The following TTLL5 variants were observed in gnomAD, a reference collection of about 807,000 sequenced individuals.
TTLL5 encodes tubulin polyglutamylase TTLL5.
TTLL5 carries 132 observed loss-of-function variants against 168.4 expected under a neutral mutation model. The ratio of observed to expected loss-of-function variants is 0.78; its 90% CI spans 0.68 to 0.91. The LOEUF (loss-of-function observed/expected upper bound fraction) is 0.91, where lower values mean the gene tolerates loss of function less well. Ranked by LOEUF, TTLL5 falls within the 40% of genes least tolerant of loss-of-function variation. The pLI, the probability that TTLL5 is intolerant of heterozygous loss-of-function variation, is 0.00. For synonymous variants in TTLL5, 546 were observed against 558.6 expected (o/e 0.98, Z 0.32); for missense variants, 1,545 against 1,581.5 (o/e 0.98, Z 0.39).
intron 31 of TTLL5, among the ~76,000 whole-genome samples, chr14:75,915,726 C>CT (rs1377757307): frequency 6.6e-6 from 1 of 152,146 alleles, no homozygotes; most frequent in African/African-American, 2.4e-5. Context: ...ATGCAAATAA[C>CT]TAATAGGCAC....
At chr14:75,843,496 G>A (rs1379020291) in intron 28 of TTLL5, among the ~76,000 whole-genome samples, 1 of 152,222 alleles carries the variant, frequency 6.6e-6, no homozygotes, top group African/African-American at 2.4e-5. Flanking sequence ...ACCTTTAAAA[G>A]TTCATCTTAC....
At chr14:75,734,705 A>G (rs1239887881) in intron 14 of TTLL5, among the ~76,000 whole-genome samples, 1 of 152,250 alleles carries the variant, frequency 6.6e-6, no homozygotes, top group Non-Finnish European at 1.5e-5. Flanking sequence ...TTCCAAAGCC[A>G]TAGATAATCT....
intron 31 of TTLL5, among the ~76,000 whole-genome samples, chr14:75,929,485 T>C (rs2034201618): frequency 6.8e-6 from 1 of 146,328 alleles, no homozygotes; most frequent in African/African-American, 2.6e-5. Context: ...GGAGTCTCGC[T>C]CTGTCGCCCA....
chr14:75,746,498 T>G (rs1889619254), intron 17 of TTLL5, among the ~76,000 whole-genome samples: 1 of 152,040 alleles, frequency 6.6e-6, no homozygotes, highest in Admixed American at 6.6e-5. Flanking sequence ...GCATAATGTC[T>G]TTTTTTCCCA....
At chr14:75,836,691 T>C (rs942080676) in intron 28 of TTLL5, among the ~76,000 whole-genome samples, 3 of 151,910 alleles carry the variant, frequency 2.0e-5, no homozygotes, top group Admixed American at 6.6e-5. Context: ...CTGCTATGTA[T>C]GCAAAAAAAT....
chr14:75,952,155 A>G (rs1045744835), intron 31 of TTLL5, among the ~76,000 whole-genome samples: 9 of 152,242 alleles, frequency 5.9e-5, no homozygotes, highest in Admixed American at 5.9e-4. Flanking sequence ...CAATGAAGAT[A>G]TACCATGCCA....
intron 24 of TTLL5, among the ~76,000 whole-genome samples, chr14:75,781,329 AC>A (rs559111707): frequency 1.1e-3 from 162 of 152,340 alleles, no homozygotes; most frequent in African/African-American, 3.7e-3. Context: ...AATCAAGGAA[AC>A]AACATTATGA....
chr14:75,904,202 CAAAAAAA>C lies in TTLL5; in HGVS notation c.3823+1986_3823+1992del, dbSNP rs562877528. On this transcript the variant is annotated intron_variant, in intron 31 of 31. Coordinates refer to ENST00000298832, the MANE Select transcript of TTLL5 (RefSeq NM_015072.5). The stretch of plus-strand genomic sequence containing the variant: ...TGGGTATCTATTCACCTCACTCCTC[CAAAAAAA>C]AAAAAAAGGAAAGAAAAAAAGAATT... 6,709 of 987,272 alleles carry C rather than the reference CAAAAAAA, an allele frequency of 6.8e-3. 31 individuals carry two copies. The highest frequency in any genetic ancestry group is 0.02 in the South Asian group (952 of 48,534). The allele number at this position is 987,272 out of a possible 1,614,324, so 61.2% of individuals were successfully genotyped here.
chr14:75,833,901 G>T (rs956484814), intron 28 of TTLL5, among the ~76,000 whole-genome samples: 6 of 152,166 alleles, frequency 3.9e-5, no homozygotes, highest in African/African-American at 1.4e-4. Flanking sequence ...AGGGTTATTT[G>T]TTTGAGTTTC....
At chr14:75,744,423 C>A (rs1889470472) in intron 15 of TTLL5, 1 of 152,230 alleles carries the variant, frequency 6.6e-6, no homozygotes, top group South Asian at 2.1e-4. Flanking sequence ...CCAAGATCCT[C>A]TTCTGGGATC....
chr14:75,874,458 T>C (rs1336047704), intron 29 of TTLL5, among the ~76,000 whole-genome samples: 2 of 152,180 alleles, frequency 1.3e-5, no homozygotes, highest in Non-Finnish European at 2.9e-5. Context: ...GGCATAAATA[T>C]CTTACAAACA....
At chr14:75,893,115 G>T (rs1221697652) in intron 30 of TTLL5, among the ~76,000 whole-genome samples, 1 of 152,154 alleles carries the variant, frequency 6.6e-6, no homozygotes, top group African/African-American at 2.4e-5. Context: ...AAAACAGTCA[G>T]ACATGTTAGA....
At chr14:75,859,612 A>T (rs1444452868) in intron 28 of TTLL5, among the ~76,000 whole-genome samples, 2 of 152,200 alleles carry the variant, frequency 1.3e-5, no homozygotes, top group African/African-American at 4.8e-5. Flanking sequence ...TGAGCAAGGA[A>T]AAACACTAAA....
intron 28 of TTLL5, among the ~76,000 whole-genome samples, chr14:75,832,823 T>G (rs1482268371): frequency 6.6e-6 from 1 of 152,244 alleles, no homozygotes; most frequent in Admixed American, 6.5e-5. Context: ...TTCCAGGCAC[T>G]GTCTGTCATC....
In TTLL5 at chr14:75,730,267, A is replaced by G. The variant is rs1351436203; in HGVS notation, c.1043-2071A>G. On this transcript the variant is annotated intron_variant, in intron 12 of 31. Coordinates refer to ENST00000298832, the MANE Select transcript of TTLL5 (RefSeq NM_015072.5). ...GCTATATCACAGATGATTTTTTCTC[A>G]GGTTAAAGGGGCAATATTCTAAAAG... 2.6e-5 allele frequency among the ~76,000 whole-genome samples: 4 copies of G among 152,252 alleles called. No individual in the cohort carries two copies. The East Asian group carries it at 7.7e-4, about 29-fold the overall frequency.
intron 31 of TTLL5, among the ~76,000 whole-genome samples, chr14:75,922,776 A>T (rs372698579): frequency 6.6e-6 from 1 of 151,992 alleles, no homozygotes; most frequent in African/African-American, 2.4e-5. Flanking sequence ...CTGTTTTTCT[A>T]TTGACTGGAA....
chr14:75,903,639 C>A (rs987437263), intron 31 of TTLL5, among the ~76,000 whole-genome samples: 1 of 151,862 alleles, frequency 6.6e-6, no homozygotes, highest in Non-Finnish European at 1.5e-5. Flanking sequence ...TACAGTGGCT[C>A]ATGCCTATAA....
intron 18 of TTLL5, among the ~76,000 whole-genome samples, chr14:75,759,001 G>A (rs1890459208): frequency 6.6e-6 from 1 of 152,118 alleles, no homozygotes; most frequent in South Asian, 2.1e-4. Context: ...AAAGTAAGTG[G>A]AAGAAAGGAA....
chr14:75,935,061 A>G (rs1221344403), intron 31 of TTLL5, among the ~76,000 whole-genome samples: 2 of 152,250 alleles, frequency 1.3e-5, no homozygotes, highest in East Asian at 1.9e-4. Flanking sequence ...CTTTAGTTCA[A>G]AGGATCCAGA....
Sources: allele counts gnomAD v4.1 joint callset (sites outside exome capture counted in the v4.1 genomes callset), GRCh38; gene constraint gnomAD v4.1.1; transcripts MANE v1.5; gene names NCBI Gene and HGNC (gene_info 2026-07-23, HGNC 2026-07-21).